ZFYVE9: variants seen among roughly 807,000 people sequenced by gnomAD.
ZFYVE9 encodes zinc finger FYVE domain-containing protein 9.
Under a neutral mutation model 126.7 loss-of-function variants are expected in ZFYVE9, and 43 were observed. The ratio of observed to expected loss-of-function variants is 0.34; its 90% confidence interval spans 0.27 to 0.44. The LOEUF is 0.44. ZFYVE9 is among the 20% of genes least tolerant of loss of function. The pLI is 1.00. For missense variants in ZFYVE9, 1,476 were observed against 1,697.0 expected (o/e 0.87, Z 2.29); for synonymous variants, 521 against 597.4 (o/e 0.87, Z 1.87).
chr1:52,187,175 A>G (rs538339302), intron 1 of ZFYVE9, among the ~76,000 whole-genome samples: 39 of 152,234 alleles, frequency 2.6e-4, no homozygotes, highest in Admixed American at 2.0e-3. Context: ...ACCTACAACC[A>G]TCTGATCTTT....
In ZFYVE9 at chr1:52,254,058, A is replaced by G. The variant is rs886719679; in HGVS notation, c.2179-9715A>G. ...AGATTGCTGTTCTAGCCAGTCATCA[A>G]AATGGAAAAGACACCCACCCATATG... On this transcript the variant is annotated intron_variant, in intron 4 of 18. Transcript: ENST00000287727. The G allele has an allele frequency of 6.5e-6, 5 of 765,832 alleles. No homozygotes were observed. The Admixed American group carries it at 1.1e-4, about 16-fold the overall frequency. The allele number at this position is 765,832 out of a possible 1,614,324, so 47.4% of individuals were successfully genotyped here.
rs1352144098 is a variant in ZFYVE9 at position 52,148,742 on chromosome 1, A to G, written c.-143+6339A>G. On this transcript the variant is annotated intron_variant, in intron 1 of 18. Transcript: ENST00000287727. Reference sequence around the variant, plus strand: ...CTGCAACCTCTGTCTCCCAGATTCAAGCGATCCTCCTGCCTCAACCTCCCT... The same window carrying G: ...CTGCAACCTCTGTCTCCCAGATTCAGGCGATCCTCCTGCCTCAACCTCCCT... Among the ~76,000 whole-genome samples, 4 of 151,044 alleles carry G rather than the reference A, an allele frequency of 2.6e-5. No individual in the cohort carries two copies. In the East Asian group the frequency reaches 8.0e-4, roughly 30 times the overall value.
chr1:52,320,237 A>C (rs769846637), intron 13 of ZFYVE9, among the ~76,000 whole-genome samples: 3 of 151,354 alleles, frequency 2.0e-5, no homozygotes, highest in Non-Finnish European at 2.9e-5. Context: ...CGCCCAGCTA[A>C]TTTTGTATTT....
chr1:52,144,493 C>A (rs1375627001), intron 1 of ZFYVE9, among the ~76,000 whole-genome samples: 1 of 152,064 alleles, frequency 6.6e-6, no homozygotes, highest in Non-Finnish European at 1.5e-5. Flanking sequence ...TTATCAGTCT[C>A]CCTGATTCTT....
chr1:52,242,045 T>TTTTTA, intron 4 of ZFYVE9, among the ~76,000 whole-genome samples: 1 of 148,306 alleles, frequency 6.7e-6, no homozygotes. Context: ...TTTTTTTTTT[T>TTTTTA]TTTTTTTTTG....
intron 1 of ZFYVE9, among the ~76,000 whole-genome samples, chr1:52,175,762 C>A (rs1644620574): frequency 6.6e-6 from 1 of 152,210 alleles, no homozygotes; most frequent in South Asian, 2.1e-4. Flanking sequence ...ATTTCATCTT[C>A]CATCACTGAA....
chr1:52,258,715 C>T (rs1244513165), intron 4 of ZFYVE9, among the ~76,000 whole-genome samples: 2 of 152,186 alleles, frequency 1.3e-5, no homozygotes, highest in Admixed American at 6.5e-5. Context: ...ATGAATCTCA[C>T]TACGTCATAG....
chr1:52,191,119 T>A (rs917494339), intron 1 of ZFYVE9, among the ~76,000 whole-genome samples: 12 of 152,116 alleles, frequency 7.9e-5, no homozygotes, highest in Non-Finnish European at 1.3e-4. Context: ...TTGTATTTTT[T>A]TGTAGAGTCA....
At chr1:52,179,828 T>G in intron 1 of ZFYVE9, 3 of 627,064 alleles carry the variant, frequency 4.8e-6, no homozygotes, top group Non-Finnish European at 5.9e-6. Flanking sequence ...ACAGCTGGCT[T>G]CAGCAATTGG....
intron 1 of ZFYVE9, among the ~76,000 whole-genome samples, chr1:52,147,100 A>G (rs1339517780): frequency 1.3e-5 from 2 of 152,228 alleles, no homozygotes; most frequent in African/African-American, 4.8e-5. Flanking sequence ...GCGTATAAGT[A>G]TACATGAAAC....
chr1:52,279,674 GC>G (rs1645783086), intron 9 of ZFYVE9, among the ~76,000 whole-genome samples: 1 of 152,044 alleles, frequency 6.6e-6, no homozygotes, highest in Non-Finnish European at 1.5e-5. Flanking sequence ...TCACCATGTT[GC>G]CCAGGTTGTT....
rs550061422 is a variant in ZFYVE9 at position 52,198,620 on chromosome 1, A to C, written c.-142-17749A>C. On this transcript the variant is annotated intron_variant, in intron 1 of 18. Transcript: ENST00000287727. ...GCTATATGATTTTGTGAACCTACCA[A>C]TTTGGCTAGTTTTCCAATTGGTACT... Among the ~76,000 whole-genome samples, 89 of 152,306 alleles carry C rather than the reference A, an allele frequency of 5.8e-4. 1 individual carries two copies. Among genetic ancestry groups the C allele is most frequent in the African/African-American group, 2.0e-3 (84 of 41,566 alleles).
chr1:52,294,824 A>G (rs1346574872), intron 11 of ZFYVE9, among the ~76,000 whole-genome samples: 1 of 152,240 alleles, frequency 6.6e-6, no homozygotes, highest in Non-Finnish European at 1.5e-5. Flanking sequence ...CCTATTTTAT[A>G]CAGGCATTTC....
intron 13 of ZFYVE9, among the ~76,000 whole-genome samples, chr1:52,319,078 C>CA (rs893578323): frequency 6.6e-6 from 1 of 152,136 alleles, no homozygotes; most frequent in African/African-American, 2.4e-5. Context: ...CTCTGGGTGA[C>CA]AGAGTGTGAC....
intron 15 of ZFYVE9, among the ~76,000 whole-genome samples, chr1:52,336,029 G>C (rs961694992): frequency 2.0e-5 from 3 of 152,096 alleles, no homozygotes; most frequent in Admixed American, 6.6e-5. Flanking sequence ...AGCTACTTGG[G>C]AGGCTGAGGC....
chr1:52,280,032 TG>T (rs1645786450), intron 9 of ZFYVE9, among the ~76,000 whole-genome samples: 1 of 152,140 alleles, frequency 6.6e-6, no homozygotes, highest in Non-Finnish European at 1.5e-5. Flanking sequence ...AAAATGAATT[TG>T]CTTGAAATTT....
intron 4 of ZFYVE9, among the ~76,000 whole-genome samples, chr1:52,250,331 C>G (rs1004563291): frequency 8.6e-5 from 13 of 151,980 alleles, no homozygotes; most frequent in African/African-American, 3.1e-4. Flanking sequence ...AGTATTTTAC[C>G]TCCTTGGTTA....
At chr1:52,331,820 T>G (rs545201623) in intron 13 of ZFYVE9, among the ~76,000 whole-genome samples, 91 of 145,264 alleles carry the variant, frequency 6.3e-4, no homozygotes, top group African/African-American at 2.0e-3. Flanking sequence ...TGCTCTTTCC[T>G]CAGGCTGGAG....
chr1:52,195,402 C>T (rs1256809155), intron 1 of ZFYVE9, among the ~76,000 whole-genome samples: 2 of 152,152 alleles, frequency 1.3e-5, no homozygotes, highest in Non-Finnish European at 2.9e-5. Flanking sequence ...TTCTTTTTGC[C>T]TCCATTTCTT....
Sources: gnomAD v4.1 joint callset for allele counts (sites outside exome capture counted in the v4.1 genomes callset) on GRCh38, gnomAD v4.1.1 for gene constraint, MANE v1.5 for transcripts, NCBI Gene and HGNC (gene_info 2026-07-23, HGNC 2026-07-21) for gene names.